The following TFCP2 variants were observed in gnomAD, a reference collection of about 807,000 sequenced individuals.
TFCP2 encodes the protein transcription factor CP2, also known as alpha-globin transcription factor CP2.
In TFCP2, 33 loss-of-function variants were observed where a neutral mutation model predicts 73.4. That is an observed-to-expected ratio of 0.45 (90% CI 0.34 to 0.60). The LOEUF is 0.60. Ranked by LOEUF, TFCP2 falls within the 20% of genes least tolerant of loss-of-function variation. The pLI, the probability that TFCP2 is intolerant of heterozygous loss-of-function variation, is 0.01. For synonymous variants in TFCP2, 193 were observed against 211.6 expected (o/e 0.91, Z 0.76); for missense variants, 352 against 604.0 (o/e 0.58, Z 4.37).
intron 1 of TFCP2, among the ~76,000 whole-genome samples, chr12:51,134,724 T>C (rs1941023035): frequency 6.6e-6 from 1 of 152,224 alleles, no homozygotes; most frequent in African/African-American, 2.4e-5. Flanking sequence ...TAACAGTATT[T>C]TAAAAACAAA....
intron 1 of TFCP2, among the ~76,000 whole-genome samples, chr12:51,141,295 G>T (rs943009291): frequency 6.6e-6 from 1 of 151,780 alleles, no homozygotes; most frequent in African/African-American, 2.4e-5. Flanking sequence ...TAAATTTCCA[G>T]ATTTCTGTGT....
chr12:51,129,744 G>A (rs1047644143), intron 1 of TFCP2, among the ~76,000 whole-genome samples: 1 of 151,896 alleles, frequency 6.6e-6, no homozygotes, highest in African/African-American at 2.4e-5. Flanking sequence ...AAGACTAAAT[G>A]TTGTGAGACT....
At chr12:51,135,286 G>C (rs1941035964) in intron 1 of TFCP2, among the ~76,000 whole-genome samples, 2 of 151,882 alleles carry the variant, frequency 1.3e-5, no homozygotes, top group Admixed American at 1.3e-4. Context: ...AATTAGCCAG[G>C]GGTTGTGGTG....
rs1169682479 is a variant in TFCP2 at position 51,162,350 on chromosome 12, G to A, written c.122+9951C>T. On this transcript the variant is annotated intron_variant, in intron 1 of 14. Coordinates refer to ENST00000257915, the MANE Select transcript of TFCP2 (RefSeq NM_005653.5). ...AGTCCCCGCTACGCAGGAGGCTGACGCAGGAGACTTGCCTGAACCCAGGAG... is the reference window on the plus strand; with the variant it reads ...AGTCCCCGCTACGCAGGAGGCTGACACAGGAGACTTGCCTGAACCCAGGAG... 3.3e-5 allele frequency among the ~76,000 whole-genome samples: 5 copies of A among 151,958 alleles called. No individual in the cohort carries two copies. In the East Asian group the frequency reaches 5.8e-4, roughly 18 times the overall value.
At chr12:51,130,492 T>C (rs551460482) in intron 1 of TFCP2, among the ~76,000 whole-genome samples, 1 of 151,788 alleles carries the variant, frequency 6.6e-6, no homozygotes, top group East Asian at 2.0e-4. Context: ...AGAAGCTGCA[T>C]TGGACTGTGT....
chr12:51,146,863 A>G (rs1483504793), intron 1 of TFCP2, among the ~76,000 whole-genome samples: 2 of 152,214 alleles, frequency 1.3e-5, no homozygotes, highest in Admixed American at 6.5e-5. Context: ...TCAAATTGTA[A>G]GCAAATGAAA....
chr12:51,167,837 G>A (rs1197588141), intron 1 of TFCP2, among the ~76,000 whole-genome samples: 1 of 151,466 alleles, frequency 6.6e-6, no homozygotes, highest in African/African-American at 2.4e-5. Flanking sequence ...AAGGTGGGAG[G>A]ATCTCTTAAG....
intron 1 of TFCP2, among the ~76,000 whole-genome samples, chr12:51,155,136 T>TC (rs1941511258): frequency 6.6e-6 from 1 of 152,164 alleles, no homozygotes; most frequent in Admixed American, 6.6e-5. Context: ...ATATCAGTAC[T>TC]CCAAGTTCTC....
intron 11 of TFCP2, among the ~76,000 whole-genome samples, 189 bp downstream of exon 11, chr12:51,101,746 A>G (rs1345532793): frequency 6.6e-6 from 1 of 152,214 alleles, no homozygotes; most frequent in East Asian, 1.9e-4. Flanking sequence ...AAAATGGAAT[A>G]TCATGGGGAA....
intron 1 of TFCP2, among the ~76,000 whole-genome samples, chr12:51,170,191 T>C (rs1941831441): frequency 6.6e-6 from 1 of 152,150 alleles, no homozygotes; most frequent in Non-Finnish European, 1.5e-5. Flanking sequence ...CAGACTTACA[T>C]AAACAAGGAT....
intron 1 of TFCP2, among the ~76,000 whole-genome samples, chr12:51,126,086 A>T (rs1462647602): frequency 1.3e-5 from 2 of 151,526 alleles, no homozygotes; most frequent in African/African-American, 2.4e-5. Flanking sequence ...AACAAAAATT[A>T]GCCGGGCGTG....
intron 1 of TFCP2, among the ~76,000 whole-genome samples, chr12:51,125,625 T>A (rs1045247287): frequency 3.9e-5 from 6 of 152,248 alleles, no homozygotes; most frequent in African/African-American, 1.4e-4. Flanking sequence ...CTGTATTTTA[T>A]GGAATGATGT....
chr12:51,170,772 C>A (rs1165653503), intron 1 of TFCP2, among the ~76,000 whole-genome samples: 2 of 151,748 alleles, frequency 1.3e-5, no homozygotes, highest in African/African-American at 2.4e-5. Context: ...CTCCGCCTCC[C>A]GGTTCAAGCA....
At chr12:51,115,859 A>G (rs1319143498) in intron 4 of TFCP2, among the ~76,000 whole-genome samples, 1 of 152,210 alleles carries the variant, frequency 6.6e-6, no homozygotes, top group Non-Finnish European at 1.5e-5. Flanking sequence ...TAGAGACAGA[A>G]AGGAGAATAG....
chr12:51,154,385 A>G (rs1941494578), intron 1 of TFCP2, among the ~76,000 whole-genome samples: 1 of 152,238 alleles, frequency 6.6e-6, no homozygotes, highest in Non-Finnish European at 1.5e-5. Context: ...AACTATAACA[A>G]TATATGGTAA....
chr12:51,109,107 T>C lies in TFCP2; in HGVS notation c.717+14A>G, dbSNP rs780408000. The C allele has an allele frequency of 1.5e-5, 25 of 1,613,374 alleles. No homozygotes were observed. Among genetic ancestry groups the C allele is most frequent in the South Asian group, 1.4e-4 (13 of 91,028 alleles). On this transcript the variant is annotated intron_variant, in intron 6 of 14. Transcript: ENST00000257915. Reference sequence around the variant, plus strand: ...GTAAAAGAATCCAAGGGCCAGCACATTGCCCAGGAATACCTTGAAAACTTT... The same window carrying C: ...GTAAAAGAATCCAAGGGCCAGCACACTGCCCAGGAATACCTTGAAAACTTT...
chr12:51,165,146 G>C (rs1051870086), intron 1 of TFCP2, among the ~76,000 whole-genome samples: 1 of 152,032 alleles, frequency 6.6e-6, no homozygotes, highest in Non-Finnish European at 1.5e-5. Context: ...CTTGAGTCCA[G>C]GAGTTCAAGA....
intron 1 of TFCP2, among the ~76,000 whole-genome samples, chr12:51,165,606 G>A (rs1026256317): frequency 2.0e-5 from 3 of 152,142 alleles, no homozygotes; most frequent in South Asian, 2.1e-4. Context: ...TGGAGTGGGG[G>A]GAGATGGGAA....
intron 1 of TFCP2, among the ~76,000 whole-genome samples, chr12:51,162,442 T>C (rs1941668364): frequency 7.4e-6 from 1 of 134,758 alleles, no homozygotes. Flanking sequence ...CTAGACTCCA[T>C]CTCAAAAAAA....
Sources: allele counts gnomAD v4.1 joint callset (sites outside exome capture counted in the v4.1 genomes callset), GRCh38; gene constraint gnomAD v4.1.1; transcripts MANE v1.5; gene names NCBI Gene and HGNC (gene_info 2026-07-23, HGNC 2026-07-21).